CADM2: variants seen among roughly 807,000 people sequenced by gnomAD.
The protein encoded by CADM2 is immunoglobulin superfamily member 4D.
In CADM2, 12 loss-of-function variants were observed where a neutral mutation model predicts 49.8. The observed-to-expected ratio is 0.24, with a 90% confidence interval of 0.15 to 0.39. CADM2 has a LOEUF of 0.39. CADM2 is among the 10% of genes least tolerant of loss of function. The pLI is 1.00. For synonymous variants in CADM2, 214 were observed against 175.4 expected, an observed-to-expected ratio of 1.22 and a Z score of -1.74; for missense variants, 378 against 492.3, an observed-to-expected ratio of 0.77 and a Z score of 2.20.
intron 1 of CADM2, among the ~76,000 whole-genome samples, chr3:84,977,789 A>C (rs2107121933): frequency 6.6e-6 from 1 of 152,222 alleles, no homozygotes; most frequent in East Asian, 1.9e-4. Flanking sequence ...TTTTCATGCA[A>C]TATTGACGTC....
intron 1 of CADM2, among the ~76,000 whole-genome samples, chr3:84,967,166 T>C (rs932247680): frequency 5.9e-5 from 9 of 152,248 alleles, no homozygotes; most frequent in Non-Finnish European, 8.8e-5. Context: ...GTATAGCTGT[T>C]ATATTGATTT....
intron 8 of CADM2, among the ~76,000 whole-genome samples, chr3:86,016,227 G>A (rs764162780): frequency 6.6e-5 from 10 of 151,898 alleles, no homozygotes; most frequent in Non-Finnish European, 1.2e-4. Flanking sequence ...AGTAAACAGA[G>A]GGAAATAATA....
intron 3 of CADM2, among the ~76,000 whole-genome samples, chr3:85,879,099 T>C (rs1292484108): frequency 6.6e-6 from 1 of 151,062 alleles, no homozygotes; most frequent in Non-Finnish European, 1.5e-5. Flanking sequence ...AAGATAAATA[T>C]TTATGTGAAT....
At chr3:85,627,478 T>G (rs2064162525) in intron 1 of CADM2, among the ~76,000 whole-genome samples, 1 of 152,018 alleles carries the variant, frequency 6.6e-6, no homozygotes, top group Non-Finnish European at 1.5e-5. Flanking sequence ...CATTCTTTAG[T>G]GAATGTTAGA....
At chr3:85,146,283 G>C (rs1458511978) in intron 1 of CADM2, among the ~76,000 whole-genome samples, 1 of 152,054 alleles carries the variant, frequency 6.6e-6, no homozygotes, top group Admixed American at 6.6e-5. Context: ...TGGTATATCT[G>C]TGCTTTGTAT....
At chr3:85,759,893 T>C in intron 2 of CADM2, among the ~76,000 whole-genome samples, 1 of 152,074 alleles carries the variant, frequency 6.6e-6, no homozygotes, top group South Asian at 2.1e-4. Context: ...ATACACTTTC[T>C]CCAAATTCTA....
chr3:85,347,033 G>A (rs1465798768), intron 1 of CADM2, among the ~76,000 whole-genome samples: 7 of 151,936 alleles, frequency 4.6e-5, no homozygotes, highest in African/African-American at 1.2e-4. Flanking sequence ...GACCAGCCTG[G>A]CCAACATGGC....
chr3:85,985,550 C>A (rs192690592), intron 8 of CADM2, among the ~76,000 whole-genome samples: 17 of 151,780 alleles, frequency 1.1e-4, no homozygotes, highest in African/African-American at 3.6e-4. Context: ...TTTTAGTATA[C>A]GTCTGGAATG....
chr3:85,763,927 C>T (rs2069520130), intron 2 of CADM2, among the ~76,000 whole-genome samples: 1 of 152,094 alleles, frequency 6.6e-6, no homozygotes, highest in Admixed American at 6.6e-5. Flanking sequence ...CTCCTTTTCT[C>T]TTCAGAGCAT....
chr3:85,175,965 G>A (rs2040774213), intron 1 of CADM2, among the ~76,000 whole-genome samples: 1 of 112,602 alleles, frequency 8.9e-6, no homozygotes, highest in Non-Finnish European at 1.6e-5. Context: ...GTCTCGCTCT[G>A]TCGCCCAGGC....
chr3:85,556,634 G>A (rs931987367), intron 1 of CADM2, among the ~76,000 whole-genome samples: 1 of 152,150 alleles, frequency 6.6e-6, no homozygotes, highest in African/African-American at 2.4e-5. Flanking sequence ...GCTCAGTTGA[G>A]AGAGAGCACA....
intron 3 of CADM2, 93 bp downstream of exon 3, chr3:85,802,289 T>C: frequency 9.0e-7 from 1 of 1,109,034 alleles, no homozygotes; most frequent in South Asian, 2.0e-5. Context: ...AACTATTCCT[T>C]TTGATTACCA....
rs1213106598 is a variant in CADM2, at chr3:85,957,093, C to G, written c.792-4376C>G. Among the ~76,000 whole-genome samples the G allele has an allele frequency of 3.3e-5, 5 of 151,542 alleles. No homozygotes were observed. The South Asian group carries it at 1.0e-3, about 31-fold the overall frequency. ...GCAAGATTTCTACATTGCTACAAAT[C>G]ATAGTTTTATTTTATCATTTTTTGC... On this transcript the variant is annotated intron_variant, in intron 7 of 9. Coordinates refer to ENST00000383699, the MANE Select transcript of CADM2 (RefSeq NM_001167675.2).
chr3:85,610,914 A>T (rs181428743), intron 1 of CADM2, among the ~76,000 whole-genome samples: 221 of 152,078 alleles, frequency 1.5e-3, no homozygotes, highest in African/African-American at 4.9e-3. Flanking sequence ...AAGTGTTGAA[A>T]CTTGAGAGAA....
At chr3:85,708,499 T>A (rs183564520) in intron 1 of CADM2, among the ~76,000 whole-genome samples, 4 of 152,170 alleles carry the variant, frequency 2.6e-5, no homozygotes, top group Non-Finnish European at 5.9e-5. Flanking sequence ...TTTGCTTGTT[T>A]TGTTTTGTAA....
chr3:85,460,298 T>C (rs1488277470), intron 1 of CADM2, among the ~76,000 whole-genome samples: 2 of 152,116 alleles, frequency 1.3e-5, no homozygotes, highest in African/African-American at 4.8e-5. Context: ...ATGTGTTATC[T>C]ATTTAATTCG....
chr3:85,024,748 G>T (rs2107304113), intron 1 of CADM2, among the ~76,000 whole-genome samples: 1 of 151,202 alleles, frequency 6.6e-6, no homozygotes. Context: ...CTAAATTCTT[G>T]AAGTAAAGCA....
chr3:86,069,517 AT>A lies in CADM2; in HGVS notation c.*2735del, dbSNP rs1012922408. ...TATTTAATTTTCAACCAAACAAAAA[AT>A]AAATTGTAAAAATTATGCTCATTTC... is the stretch of plus-strand genomic sequence containing the variant. On this transcript the variant is annotated 3_prime_UTR_variant, in exon 10 of 10. Transcript: ENST00000383699. 5.3e-5 allele frequency: 8 copies of A among 152,056 alleles called. No homozygotes were observed. The highest frequency in any genetic ancestry group is 1.9e-4 in the African/African-American group (8 of 41,452). 9.4% of individuals were successfully genotyped at this position (152,056 alleles called of 1,614,324 possible).
intron 1 of CADM2, among the ~76,000 whole-genome samples, chr3:85,595,542 T>G (rs56157415): frequency 0.016 from 2,392 of 152,172 alleles, 75 homozygotes; most frequent in African/African-American, 0.054. Context: ...CTGCAAAGGT[T>G]AAGCTAATAT....
Sources: gnomAD v4.1 joint callset for allele counts (sites outside exome capture counted in the v4.1 genomes callset) on GRCh38, gnomAD v4.1.1 for gene constraint, MANE v1.5 for transcripts, NCBI Gene and HGNC (gene_info 2026-07-23, HGNC 2026-07-21) for gene names.